The following GPC6 variants were observed in gnomAD, a reference collection of about 807,000 sequenced individuals.
GPC6 encodes glypican 6.
Under a neutral mutation model 55.2 loss-of-function variants are expected in GPC6, and 14 were observed. That is an observed-to-expected ratio of 0.25 (90% CI 0.17 to 0.40). The LOEUF (loss-of-function observed/expected upper bound fraction) is 0.40. GPC6 is among the 10% of genes least tolerant of loss of function. The pLI, the probability that GPC6 is intolerant of heterozygous loss-of-function variation, is 1.00. For synonymous variants in GPC6, 278 were observed against 259.6 expected, an observed-to-expected ratio of 1.07 and a Z score of -0.68; for missense variants, 641 against 708.5, an observed-to-expected ratio of 0.90 and a Z score of 1.08.
intron 3 of GPC6, among the ~76,000 whole-genome samples, chr13:93,968,631 T>C (rs1186270931): frequency 1.3e-5 from 2 of 152,144 alleles, no homozygotes; most frequent in East Asian, 3.9e-4. Context: ...AAAATAGCCA[T>C]ACACTTTCAT....
At chr13:93,811,989 C>T (rs1886707214) in intron 2 of GPC6, among the ~76,000 whole-genome samples, 1 of 151,984 alleles carries the variant, frequency 6.6e-6, no homozygotes, top group Non-Finnish European at 1.5e-5. Flanking sequence ...TCAACAATGT[C>T]ATTTGATTAC....
intron 3 of GPC6, among the ~76,000 whole-genome samples, chr13:93,889,222 A>G (rs999910050): frequency 6.6e-6 from 1 of 152,120 alleles, no homozygotes; most frequent in Non-Finnish European, 1.5e-5. Flanking sequence ...TTCATAATGC[A>G]GCTTTCTCAA....
At chr13:93,812,149 G>GCAGC (rs1886714527) in intron 2 of GPC6, among the ~76,000 whole-genome samples, 1 of 140,376 alleles carries the variant, frequency 7.1e-6, no homozygotes, top group Non-Finnish European at 1.6e-5. Context: ...CGGTGGGGGG[G>GCAGC]GGGGCGGGGG....
chr13:93,228,797 A>C (rs1412426022), intron 1 of GPC6, among the ~76,000 whole-genome samples: 1 of 152,206 alleles, frequency 6.6e-6, no homozygotes, highest in Non-Finnish European at 1.5e-5. Context: ...TTTTTGCCAA[A>C]TAACTGGTGG....
chr13:94,362,928 G>A (rs1879122496), intron 6 of GPC6, among the ~76,000 whole-genome samples: 1 of 152,100 alleles, frequency 6.6e-6, no homozygotes, highest in African/African-American at 2.4e-5. Flanking sequence ...GAACGTGCAG[G>A]TTTGGTACAT....
chr13:94,347,104 GAA>G (rs1046803340), intron 6 of GPC6, among the ~76,000 whole-genome samples: 20 of 152,130 alleles, frequency 1.3e-4, no homozygotes, highest in African/African-American at 4.8e-4. Context: ...TGAGCTCAAG[GAA>G]CTGGGGGTGA....
chr13:94,030,375 G>A (rs921419728), intron 4 of GPC6, among the ~76,000 whole-genome samples: 1 of 151,848 alleles, frequency 6.6e-6, no homozygotes. Flanking sequence ...TCCTTCTTTG[G>A]GTTCTGCTGT....
At chr13:93,565,953 A>T (rs1288441188) in intron 2 of GPC6, among the ~76,000 whole-genome samples, 1 of 152,044 alleles carries the variant, frequency 6.6e-6, no homozygotes, top group Non-Finnish European at 1.5e-5. Context: ...AAAAGAAAAA[A>T]AAAACACATC....
At chr13:93,541,744 T>C (rs867757316) in intron 1 of GPC6, among the ~76,000 whole-genome samples, 124 of 148,646 alleles carry the variant, frequency 8.3e-4, no homozygotes, top group African/African-American at 2.8e-3. Context: ...TGGTATCTCA[T>C]TGTGGTTTTG....
intron 4 of GPC6, among the ~76,000 whole-genome samples, chr13:94,203,071 T>G (rs1025846561): frequency 6.6e-6 from 1 of 151,624 alleles, no homozygotes; most frequent in African/African-American, 2.4e-5. Context: ...TAAAAAGGTT[T>G]TATAGTTTTA....
intron 1 of GPC6, among the ~76,000 whole-genome samples, chr13:93,543,562 T>A (rs1442464187): frequency 1.3e-5 from 2 of 152,114 alleles, no homozygotes; most frequent in African/African-American, 4.8e-5. Context: ...GAGGATTCCC[T>A]CTTTTTCTAT....
At chr13:93,811,431 C>G (rs1886691781) in intron 2 of GPC6, among the ~76,000 whole-genome samples, 2 of 152,156 alleles carry the variant, frequency 1.3e-5, no homozygotes, top group Non-Finnish European at 2.9e-5. Context: ...TTCACATGGA[C>G]TGGTCATTGA....
At chr13:93,486,073 C>T (rs1339146866) in intron 1 of GPC6, among the ~76,000 whole-genome samples, 1 of 152,124 alleles carries the variant, frequency 6.6e-6, no homozygotes, top group Admixed American at 6.6e-5. Flanking sequence ...AAAATTGTTG[C>T]ATGAATGTGA....
chr13:94,208,327 G>A (rs1349539854), intron 4 of GPC6, among the ~76,000 whole-genome samples: 1 of 152,104 alleles, frequency 6.6e-6, no homozygotes, highest in East Asian at 1.9e-4. Context: ...TCAGAGTGTT[G>A]TTGACAACTA....
chr13:93,650,472 G>GAA (rs973960148), intron 2 of GPC6, among the ~76,000 whole-genome samples: 1 of 136,964 alleles, frequency 7.3e-6, no homozygotes, highest in Non-Finnish European at 1.6e-5. Context: ...CAAAGGAATG[G>GAA]AAAAAAAAAG....
At chr13:94,384,516 A>G (rs1880313664) in intron 7 of GPC6, among the ~76,000 whole-genome samples, 1 of 152,218 alleles carries the variant, frequency 6.6e-6, no homozygotes. Context: ...TGCTGATATT[A>G]GTCCATATGC....
intron 2 of GPC6, among the ~76,000 whole-genome samples, chr13:93,743,308 A>G (rs1209532279): frequency 6.6e-6 from 1 of 152,202 alleles, no homozygotes; most frequent in Non-Finnish European, 1.5e-5. Context: ...TTGAATTTCT[A>G]TCTCTAATGC....
chr13:93,273,216 T>A (rs3928068), intron 1 of GPC6, among the ~76,000 whole-genome samples: 59,308 of 116,620 alleles, frequency 0.51, 11,874 homozygotes, highest in African/African-American at 0.61. Context: ...AGTCTGAATC[T>A]TATCTAAATC....
At chr13:93,640,224 T>A (rs1879854980) in intron 2 of GPC6, among the ~76,000 whole-genome samples, 1 of 151,528 alleles carries the variant, frequency 6.6e-6, no homozygotes, top group Admixed American at 6.6e-5. Context: ...ACAAAAATGT[T>A]AAAAATCCTT....
Sources: allele counts gnomAD v4.1 joint callset (sites outside exome capture counted in the v4.1 genomes callset), GRCh38; gene constraint gnomAD v4.1.1; transcripts MANE v1.5; gene names NCBI Gene and HGNC (gene_info 2026-07-23, HGNC 2026-07-21).